Variants in SLCO6A1 observed in about 807,000 individuals in gnomAD.
SLCO6A1 encodes the protein solute carrier organic anion transporter family member 6A1.
In SLCO6A1, 65 loss-of-function variants were observed where a neutral mutation model predicts 72.7. That is an observed-to-expected ratio of 0.89 (90% CI 0.73 to 1.10). The LOEUF (loss-of-function observed/expected upper bound fraction) is 1.10, where lower values mean the gene tolerates loss of function less well. Ranked by LOEUF, SLCO6A1 falls within the 50% of genes least tolerant of loss-of-function variation. The pLI is 0.00. For missense variants in SLCO6A1, 874 were observed against 872.6 expected, an observed-to-expected ratio of 1.00 and a Z score of -0.02; for synonymous variants, 314 against 298.2, an observed-to-expected ratio of 1.05 and a Z score of -0.55.
At chr5:102,388,584 T>C (rs1746548219) in intron 12 of SLCO6A1, 104 bp downstream of exon 12, 1 of 878,248 alleles carries the variant, frequency 1.1e-6, no homozygotes, top group African/African-American at 1.7e-5. Context: ...ATCAAAGTAC[T>C]TATTTAATTC....
intron 12 of SLCO6A1, among the ~76,000 whole-genome samples, chr5:102,379,423 T>G (rs887794723): frequency 6.6e-6 from 1 of 152,308 alleles, no homozygotes; most frequent in South Asian, 2.1e-4. Flanking sequence ...AGATATGTAA[T>G]GCGTCTGGAA....
rs1291322023 is a variant in SLCO6A1, at chr5:102,371,918, T to C, written c.*221A>G. 1 of 152,062 alleles carries C rather than the reference T, an allele frequency of 6.6e-6. No homozygotes were observed. The highest frequency in any genetic ancestry group is 1.5e-5 in the Non-Finnish European group (1 of 67,930). The allele number at this position is 152,062 out of a possible 1,614,324, so 9.4% of individuals were successfully genotyped here. On this transcript the variant is annotated 3_prime_UTR_variant, in exon 14 of 14. Coordinates refer to ENST00000506729, the MANE Select transcript of SLCO6A1 (RefSeq NM_173488.5). Reference sequence around the variant, plus strand: ...TTCTCCCAGTAAATCCTAAAAATTCTACATACATTAAAAACATTATCAGAA... The same window carrying C: ...TTCTCCCAGTAAATCCTAAAAATTCCACATACATTAAAAACATTATCAGAA...
intron 10 of SLCO6A1, 144 bp downstream of exon 10, chr5:102,399,411 A>C (rs1747274823): frequency 1.1e-5 from 5 of 458,590 alleles, no homozygotes; most frequent in African/African-American, 8.1e-5. Context: ...TATACACATG[A>C]ATTGTGTCAA....
chr5:102,434,599 G>T (rs1023399561), intron 7 of SLCO6A1, among the ~76,000 whole-genome samples: 7 of 152,140 alleles, frequency 4.6e-5, no homozygotes, highest in Non-Finnish European at 7.3e-5. Context: ...TTACAGATAG[G>T]ATGAAATTCA....
chr5:102,456,965 G>C (rs1750756829), intron 6 of SLCO6A1, among the ~76,000 whole-genome samples: 1 of 152,132 alleles, frequency 6.6e-6, no homozygotes, highest in Non-Finnish European at 1.5e-5. Context: ...ACAACCATCT[G>C]ATCTTTGACA....
intron 9 of SLCO6A1, among the ~76,000 whole-genome samples, chr5:102,400,482 G>A (rs940604273): frequency 1.3e-5 from 2 of 152,048 alleles, no homozygotes; most frequent in Non-Finnish European, 2.9e-5. Context: ...AGTCCTGAAT[G>A]GAAAGCCAAT....
chr5:102,438,065 C>T (rs1749640248), intron 7 of SLCO6A1, among the ~76,000 whole-genome samples: 1 of 152,008 alleles, frequency 6.6e-6, no homozygotes, highest in Non-Finnish European at 1.5e-5. Context: ...TATCAACAAA[C>T]CTTTTCATTA....
chr5:102,389,845 ATCTCCTGTATTTTT>A (rs1348773855), intron 11 of SLCO6A1, among the ~76,000 whole-genome samples: 1 of 87,290 alleles, frequency 1.1e-5, no homozygotes, highest in African/African-American at 4.5e-5. Context: ...CTCCACATTT[ATCTCCTGTATTTTT>A]TCTTCTATCA....
chr5:102,496,654 T>C (rs1336621534), intron 1 of SLCO6A1, among the ~76,000 whole-genome samples: 2 of 152,232 alleles, frequency 1.3e-5, no homozygotes, highest in Non-Finnish European at 2.9e-5. Flanking sequence ...AAGGCCTTCA[T>C]AATCTAGGCA....
At chr5:102,390,626 T>G (rs1454138552) in intron 11 of SLCO6A1, among the ~76,000 whole-genome samples, 1 of 152,154 alleles carries the variant, frequency 6.6e-6, no homozygotes, top group East Asian at 1.9e-4. Flanking sequence ...CATTTAAAAA[T>G]GTTAGTCTAG....
chr5:102,458,295 C>T (rs1750843633), intron 6 of SLCO6A1, 87 bp downstream of exon 6: 7 of 966,270 alleles, frequency 7.2e-6, no homozygotes, highest in African/African-American at 1.6e-5. Flanking sequence ...TAGGTTGAAC[C>T]CTTTATGGGT....
At chr5:102,441,869 GTTTT>G (rs555465080) in intron 6 of SLCO6A1, among the ~76,000 whole-genome samples, 1 of 151,152 alleles carries the variant, frequency 6.6e-6, no homozygotes, top group Non-Finnish European at 1.5e-5. Context: ...TTATTCTATA[GTTTT>G]TTTATTTTAC....
At position 102,430,393 on chromosome 5, in the gene SLCO6A1, G is replaced by A. The variant is rs530487572; in HGVS notation, c.1276+8224C>T. 2.6e-5 allele frequency among the ~76,000 whole-genome samples: 4 copies of A among 152,268 alleles called. No individual in the cohort carries two copies. In the South Asian group the frequency reaches 8.3e-4, roughly 32 times the overall value. On this transcript the variant is annotated intron_variant, in intron 7 of 13. Transcript: ENST00000506729. ...CCTTGTTCTGGTTTTCAAGGGGAAT[G>A]CTTCCAGCTTTTCCCCATTCAGTAT...
At chr5:102,413,669 C>T (rs1748115310) in intron 8 of SLCO6A1, among the ~76,000 whole-genome samples, 1 of 152,118 alleles carries the variant, frequency 6.6e-6, no homozygotes, top group African/African-American at 2.4e-5. Flanking sequence ...TAGGTGTTCA[C>T]TTAACTTTTT....
chr5:102,478,239 T>G (rs1011310680), intron 2 of SLCO6A1, among the ~76,000 whole-genome samples: 14 of 152,074 alleles, frequency 9.2e-5, no homozygotes, highest in Non-Finnish European at 1.3e-4. Flanking sequence ...TAAATGTGCA[T>G]GCATGATTGT....
chr5:102,376,317 A>G (rs1400138167), intron 12 of SLCO6A1, among the ~76,000 whole-genome samples: 1 of 152,190 alleles, frequency 6.6e-6, no homozygotes, highest in African/African-American at 2.4e-5. Context: ...AGAATATTGC[A>G]GATCTGCAGA....
intron 8 of SLCO6A1, among the ~76,000 whole-genome samples, chr5:102,416,347 A>C (rs894147062): frequency 6.6e-6 from 1 of 151,998 alleles, no homozygotes; most frequent in Non-Finnish European, 1.5e-5. Context: ...TGATATATAA[A>C]TATTTATATA....
At chr5:102,400,080 A>T (rs1747317818) in intron 9 of SLCO6A1, among the ~76,000 whole-genome samples, 1 of 152,006 alleles carries the variant, frequency 6.6e-6, no homozygotes, top group Non-Finnish European at 1.5e-5. Flanking sequence ...ATTAAAAATA[A>T]TGTAACAAAA....
chr5:102,495,026 G>A (rs1333795309), intron 1 of SLCO6A1, among the ~76,000 whole-genome samples: 3 of 152,030 alleles, frequency 2.0e-5, no homozygotes, highest in Non-Finnish European at 2.9e-5. Context: ...GGATATAGTG[G>A]ATAAAATTCC....
Sources: allele counts gnomAD v4.1 joint callset (sites outside exome capture counted in the v4.1 genomes callset), GRCh38; gene constraint gnomAD v4.1.1; transcripts MANE v1.5; gene names NCBI Gene and HGNC (gene_info 2026-07-23, HGNC 2026-07-21).